Variants in BTG4 observed in about 807,000 individuals in gnomAD.
BTG4 encodes protein BTG4.
In BTG4, 10 loss-of-function variants were observed where a neutral mutation model predicts 19.3. The ratio of observed to expected loss-of-function variants is 0.52; its 90% CI spans 0.32 to 0.88. The LOEUF is 0.88. Ranked by LOEUF, BTG4 falls within the 40% of genes least tolerant of loss-of-function variation. The pLI is 0.04. For missense variants in BTG4, 238 were observed against 281.9 expected (o/e 0.84, Z 1.11); for synonymous variants, 91 against 95.7 (o/e 0.95, Z 0.29).
the BTG4 span, among the ~76,000 whole-genome samples, chr11:111,433,177 T>C: frequency 1.3e-5 from 2 of 152,204 alleles, no homozygotes; most frequent in Non-Finnish European, 2.9e-5. Context: ...AGTCATAAAA[T>C]GTACAACAAA....
At chr11:111,502,366 T>C (rs1228804291) in intron 1 of BTG4, among the ~76,000 whole-genome samples, 1 of 152,190 alleles carries the variant, frequency 6.6e-6, no homozygotes, top group Non-Finnish European at 1.5e-5. Flanking sequence ...AAAGTGGAAA[T>C]CATTAAGATA....
At chr11:111,497,721 T>C (rs1865822249) in intron 3 of BTG4, among the ~76,000 whole-genome samples, 1 of 152,228 alleles carries the variant, frequency 6.6e-6, no homozygotes, top group Non-Finnish European at 1.5e-5. Context: ...AACCTACAGT[T>C]TGTAATAGAT....
At chr11:111,476,899 C>A (rs528298474) in intron 5 of BTG4, among the ~76,000 whole-genome samples, 2 of 152,256 alleles carry the variant, frequency 1.3e-5, no homozygotes, top group South Asian at 4.1e-4. Flanking sequence ...TCTTCAAGAA[C>A]TTTATTTAGC....
At chr11:111,447,652 C>T in the BTG4 span, among the ~76,000 whole-genome samples, 7 of 152,112 alleles carry the variant, frequency 4.6e-5, no homozygotes, top group Non-Finnish European at 8.8e-5. Context: ...AGAGCAGAGG[C>T]GGCAGATGGA....
the BTG4 span, among the ~76,000 whole-genome samples, chr11:111,445,265 C>T: frequency 2.0e-5 from 3 of 152,194 alleles, no homozygotes; most frequent in African/African-American, 7.2e-5. Context: ...CGCTCCCTTC[C>T]CTAATCCAGC....
chr11:111,429,968 T>A, the BTG4 span, among the ~76,000 whole-genome samples: 1 of 152,248 alleles, frequency 6.6e-6, no homozygotes, highest in Admixed American at 6.5e-5. Context: ...CTTGTCTTAG[T>A]GTACTTAAAT....
chr11:111,508,366 CT>C (rs5794754), intron 1 of BTG4, among the ~76,000 whole-genome samples: 72 of 146,188 alleles, frequency 4.9e-4, no homozygotes, highest in African/African-American at 5.1e-4. Flanking sequence ...ACTCCCTGGG[CT>C]TTTTTTTTTT....
intron 1 of BTG4, among the ~76,000 whole-genome samples, chr11:111,502,120 C>A (rs12279860): frequency 0.035 from 5,281 of 151,974 alleles, 314 homozygotes; most frequent in African/African-American, 0.12. Context: ...TGTCTGCCTC[C>A]TATCCCTTAC....
intron 5 of BTG4, among the ~76,000 whole-genome samples, chr11:111,489,772 A>G (rs913760369): frequency 2.0e-5 from 3 of 152,138 alleles, no homozygotes; most frequent in African/African-American, 7.2e-5. Context: ...ATATGTTCTC[A>G]TTCACACTTG....
At chr11:111,492,249 T>C (rs1231264326), downstream of BTG4, among the ~76,000 whole-genome samples, 2 of 152,210 alleles carry the variant, frequency 1.3e-5, no homozygotes, top group Non-Finnish European at 2.9e-5. Flanking sequence ...TAAACCAACC[T>C]TGCAAACTGC....
At chr11:111,476,062 T>C (rs1356519158) in intron 5 of BTG4, among the ~76,000 whole-genome samples, 1 of 151,818 alleles carries the variant, frequency 6.6e-6, no homozygotes, top group Non-Finnish European at 1.5e-5. Context: ...TAGGGATTAC[T>C]ACAATTCAAG....
the BTG4 span, among the ~76,000 whole-genome samples, chr11:111,441,794 C>T: frequency 1.3e-5 from 2 of 152,210 alleles, no homozygotes; most frequent in South Asian, 2.1e-4. Flanking sequence ...CATGGTGGCT[C>T]ACGCCTGTAA....
chr11:111,459,854 C>G, the BTG4 span: 1 of 152,374 alleles, frequency 6.6e-6, no homozygotes, highest in African/African-American at 2.4e-5. Flanking sequence ...GGAGAGAAAA[C>G]CCCCTAAAGC....
chr11:111,501,602 A>G (rs1866085066), intron 1 of BTG4, among the ~76,000 whole-genome samples: 1 of 152,228 alleles, frequency 6.6e-6, no homozygotes, highest in Non-Finnish European at 1.5e-5. Context: ...AGTTCTAGTT[A>G]TTCTAGTACA....
the BTG4 span, chr11:111,450,820 GATCCCA>G: frequency 6.5e-6 from 1 of 153,304 alleles, no homozygotes; most frequent in East Asian, 1.9e-4. Context: ...TCCCCTCGGG[GATCCCA>G]GGTGTCCAGA....
the BTG4 span, among the ~76,000 whole-genome samples, chr11:111,421,467 C>G: frequency 6.6e-6 from 1 of 152,198 alleles, no homozygotes; most frequent in Non-Finnish European, 1.5e-5. Context: ...TAGGTTTGCA[C>G]GTGTGTTTCC....
the BTG4 span, among the ~76,000 whole-genome samples, chr11:111,431,358 AAGCC>A: frequency 6.6e-6 from 1 of 152,190 alleles, no homozygotes; most frequent in Non-Finnish European, 1.5e-5. Context: ...TCTTCATAGC[AAGCC>A]TATGATGTAG....
At chr11:111,464,841 G>GAAT (rs531814939), downstream of BTG4, among the ~76,000 whole-genome samples, 34 of 152,150 alleles carry the variant, frequency 2.2e-4, no homozygotes, top group African/African-American at 6.7e-4. Context: ...CCCATATAAG[G>GAAT]AATAACAAAT....
chr11:111,392,169 C>CTA, the BTG4 span, among the ~76,000 whole-genome samples: 1 of 85,450 alleles, frequency 1.2e-5, no homozygotes, highest in East Asian at 4.2e-4. Flanking sequence ...CTGTGATTTT[C>CTA]TTTTTTTTTT....
Sources: gnomAD v4.1 joint callset for allele counts (sites outside exome capture counted in the v4.1 genomes callset) on GRCh38, gnomAD v4.1.1 for gene constraint, MANE v1.5 for transcripts, NCBI Gene and HGNC (gene_info 2026-07-23, HGNC 2026-07-21) for gene names.